Variants in EPB41L2 observed in about 807,000 individuals in gnomAD.
EPB41L2 encodes erythrocyte membrane protein band 4.1 like 2.
EPB41L2 carries 43 observed loss-of-function variants against 113.0 expected under a neutral mutation model. That is an observed-to-expected ratio of 0.38 (90% CI 0.30 to 0.49). EPB41L2 has a LOEUF of 0.49. EPB41L2 is among the 20% of genes least tolerant of loss of function. The probability of loss-of-function intolerance (pLI) is 0.95; values close to 1 mark genes in which losing one functional copy is unlikely to be tolerated. For synonymous variants in EPB41L2, 442 were observed against 436.7 expected (o/e 1.01, Z -0.15); for missense variants, 1,147 against 1,223.4 (o/e 0.94, Z 0.93).
At chr6:130,918,541 T>G (rs1013102994) in intron 4 of EPB41L2, among the ~76,000 whole-genome samples, 1 of 152,168 alleles carries the variant, frequency 6.6e-6, no homozygotes, top group Non-Finnish European at 1.5e-5. Flanking sequence ...TTTTCCATAG[T>G]AAAGTTTATA....
chr6:131,007,651 A>G (rs908965759), intron 1 of EPB41L2, among the ~76,000 whole-genome samples: 6 of 152,156 alleles, frequency 3.9e-5, no homozygotes, highest in African/African-American at 7.2e-5. Flanking sequence ...GGGACAATGA[A>G]GTCCAAGCTG....
chr6:130,925,190 CTTT>C (rs398048854), intron 4 of EPB41L2, among the ~76,000 whole-genome samples: 4 of 130,408 alleles, frequency 3.1e-5, no homozygotes, highest in Non-Finnish European at 3.2e-5. Context: ...GATTTCTTTT[CTTT>C]TTTTTTTTTT....
chr6:130,859,817 G>A, intron 18 of EPB41L2, among the ~76,000 whole-genome samples: 1 of 151,668 alleles, frequency 6.6e-6, no homozygotes, highest in East Asian at 1.9e-4. Context: ...GAAGACATTT[G>A]AGGGTGCTTA....
chr6:130,923,226 C>G (rs1803470564), intron 4 of EPB41L2, among the ~76,000 whole-genome samples: 1 of 152,170 alleles, frequency 6.6e-6, no homozygotes, highest in Admixed American at 6.5e-5. Context: ...CTCAAGGCTA[C>G]TTTTGTGCTT....
chr6:130,985,404 T>C (rs1352357330), intron 1 of EPB41L2, among the ~76,000 whole-genome samples: 1 of 152,150 alleles, frequency 6.6e-6, no homozygotes, highest in Non-Finnish European at 1.5e-5. Flanking sequence ...ACTCTTCAAC[T>C]GTCAGTGCAC....
At chr6:130,854,493 T>C (rs1779660758) in intron 19 of EPB41L2, among the ~76,000 whole-genome samples, 1 of 152,250 alleles carries the variant, frequency 6.6e-6, no homozygotes, top group South Asian at 2.1e-4. Context: ...TGTGTGTCCA[T>C]TGTAAAAATG....
At chr6:131,052,480 T>C (rs1044623298) in intron 1 of EPB41L2, among the ~76,000 whole-genome samples, 1 of 152,232 alleles carries the variant, frequency 6.6e-6, no homozygotes, top group African/African-American at 2.4e-5. Flanking sequence ...GATTATATCA[T>C]GTTTGATCCT....
chr6:131,037,828 A>T (rs1356545547), intron 1 of EPB41L2, among the ~76,000 whole-genome samples: 3 of 152,202 alleles, frequency 2.0e-5, no homozygotes, highest in Admixed American at 2.0e-4. Flanking sequence ...AGCTCAAGTG[A>T]TTTGCACAGC....
At chr6:131,004,790 C>T (rs146714832) in intron 1 of EPB41L2, among the ~76,000 whole-genome samples, 13 of 152,276 alleles carry the variant, frequency 8.5e-5, no homozygotes, top group African/African-American at 3.1e-4. Context: ...CCCAACTCCC[C>T]ACTACACAAC....
At chr6:130,874,331 T>C (rs377698759) in intron 14 of EPB41L2, among the ~76,000 whole-genome samples, 1 of 151,624 alleles carries the variant, frequency 6.6e-6, no homozygotes, top group South Asian at 2.1e-4. Context: ...TATAGAAATT[T>C]GGAAAAGTGG....
chr6:130,878,460 T>C (rs1788257459), intron 13 of EPB41L2: 3 of 484,040 alleles, frequency 6.2e-6, no homozygotes, highest in Admixed American at 4.2e-5. Flanking sequence ...AGTCAATGCG[T>C]ACTTCTTCAA....
chr6:131,019,897 A>G (rs1472169330), intron 1 of EPB41L2, among the ~76,000 whole-genome samples: 1 of 151,954 alleles, frequency 6.6e-6, no homozygotes, highest in African/African-American at 2.4e-5. Context: ...ATATATTTCT[A>G]TTTTCTGGAA....
chr6:130,998,315 G>A (rs1298735310), intron 1 of EPB41L2, among the ~76,000 whole-genome samples: 1 of 152,038 alleles, frequency 6.6e-6, no homozygotes, highest in Non-Finnish European at 1.5e-5. Flanking sequence ...TTCAAAAATG[G>A]GACAAGAACT....
intron 1 of EPB41L2, among the ~76,000 whole-genome samples, chr6:131,016,841 TCG>T (rs974612150): frequency 8.4e-6 from 1 of 119,496 alleles, no homozygotes; most frequent in African/African-American, 3.9e-5. Flanking sequence ...ACTACTATAT[TCG>T]CACACAAAAA....
rs1359937022 is a variant in EPB41L2, at chr6:130,904,536, A to G, written c.858T>C (p.Leu286=). The G allele has an allele frequency of 2.5e-6, 4 of 1,595,492 alleles. No individual in the cohort carries two copies. Among genetic ancestry groups the G allele is most frequent in the Non-Finnish European group, 3.4e-6 (4 of 1,166,470 alleles). The change falls in exon 6 of 20, where the codon CTT becomes CTC. Residue 286 remains leucine (L), a synonymous_variant. Transcript: ENST00000337057. ...AKEIKRQLRN[L]PWLFTFNVKF... ...TCACATTAAAAGTGAATAGCCATGGAAGGTCTGTAATTATTAAATATCACA... is the reference window on the plus strand; with the variant it reads ...TCACATTAAAAGTGAATAGCCATGGGAGGTCTGTAATTATTAAATATCACA...
Position 130,870,077 on chromosome 6 carries a change from A to T in EPB41L2, c.2093T>A (p.Val698Asp). 6.2e-7 allele frequency: 1 copy of T among 1,612,926 alleles called. No individual in the cohort carries two copies. Among genetic ancestry groups the T allele is most frequent in the South Asian group, 1.1e-5 (1 of 90,978 alleles). ...TGTGATTACTCTTTCGTCTTTCCCA[A>T]CCTCTGCCCGCTTCTTCTCCTCCAC... ...NIVEEKKRAE[V>D]GKDERVITEE... is the part of the protein sequence containing the mutation. Residue 698 changes from valine to aspartate, a missense_variant, in exon 15 of 20, where the codon GTT becomes GAT. Val to Asp is a radical substitution (Grantham distance 152). Coordinates refer to ENST00000337057, the MANE Select transcript of EPB41L2 (RefSeq NM_001431.4).
intron 1 of EPB41L2, among the ~76,000 whole-genome samples, chr6:131,061,840 A>G (rs934452513): frequency 1.3e-5 from 2 of 152,180 alleles, no homozygotes; most frequent in Non-Finnish European, 2.9e-5. Context: ...GGGAGGAAAT[A>G]AAGACTGAAA....
At chr6:130,957,841 G>C (rs181477650) in intron 1 of EPB41L2, among the ~76,000 whole-genome samples, 285 of 152,276 alleles carry the variant, frequency 1.9e-3, no homozygotes, top group Middle Eastern at 3.4e-3. Flanking sequence ...ACTCCAAAAA[G>C]AAATCCTGTG....
rs1295993326 is a variant in EPB41L2 at position 130,929,343 on chromosome 6, TGGATGTTTATAGAGCTTACTTTTTACTTC to T, written c.706-2663_706-2635del. Among the ~76,000 whole-genome samples, 6 of 152,352 alleles carry T rather than the reference TGGATGTTTATAGAGCTTACTTTTTACTTC, an allele frequency of 3.9e-5. No individual in the cohort carries two copies. In the East Asian group the frequency reaches 1.2e-3, roughly 29 times the overall value. ...ATTCAAAATAACTTACTTTTTACTT[TGGATGTTTATAGAGCTTACTTTTTACTTC>T]GGATGTTTATAGAGACTGAGTGAAT... On this transcript the variant is annotated intron_variant, in intron 3 of 19. Coordinates refer to ENST00000337057, the MANE Select transcript of EPB41L2 (RefSeq NM_001431.4).
Sources: allele counts gnomAD v4.1 joint callset (sites outside exome capture counted in the v4.1 genomes callset), GRCh38; gene constraint gnomAD v4.1.1; transcripts MANE v1.5; gene names NCBI Gene and HGNC (gene_info 2026-07-23, HGNC 2026-07-21).